RNLS: variants seen among roughly 807,000 people sequenced by gnomAD.
The protein encoded by RNLS is renalase.
RNLS carries 39 observed loss-of-function variants against 39.8 expected under a neutral mutation model. The ratio of observed to expected loss-of-function variants is 0.98; its 90% CI spans 0.76 to 1.28. The LOEUF is 1.28. RNLS is among the 50% of genes most tolerant of loss of function. The pLI, the probability that RNLS is intolerant of heterozygous loss-of-function variation, is 0.00. For synonymous variants in RNLS, 147 were observed against 150.7 expected (o/e 0.98, Z 0.18); for missense variants, 410 against 413.3 (o/e 0.99, Z 0.07).
chr10:88,491,188 T>TCA (rs1488380273), intron 4 of RNLS, among the ~76,000 whole-genome samples: 6 of 152,172 alleles, frequency 3.9e-5, no homozygotes, highest in African/African-American at 1.2e-4. Flanking sequence ...ATTTAGCACC[T>TCA]CACACTCTAG....
chr10:88,391,852 T>G (rs1250465076), intron 4 of RNLS, among the ~76,000 whole-genome samples: 25 of 152,248 alleles, frequency 1.6e-4, no homozygotes, highest in Admixed American at 1.6e-3. Flanking sequence ...TTTTGTCTTT[T>G]ACTCTGCTCT....
intron 5 of RNLS, among the ~76,000 whole-genome samples, chr10:88,348,400 T>C (rs1848455707): frequency 6.6e-6 from 1 of 152,168 alleles, no homozygotes; most frequent in African/African-American, 2.4e-5. Flanking sequence ...TGAAGGTCTT[T>C]TATAAATCTC....
the RNLS span, among the ~76,000 whole-genome samples, chr10:88,214,498 C>CAAAAAAAAAA: frequency 7.4e-6 from 1 of 135,128 alleles, no homozygotes; most frequent in Non-Finnish European, 1.6e-5. Context: ...GACTCCGTCT[C>CAAAAAAAAAA]AAAAAAAAAA....
At chr10:88,532,338 G>A (rs1013174497) in intron 4 of RNLS, among the ~76,000 whole-genome samples, 4 of 151,870 alleles carry the variant, frequency 2.6e-5, no homozygotes, top group African/African-American at 9.7e-5. Flanking sequence ...TACTCCAATG[G>A]TTATATCTAA....
At chr10:88,226,651 T>A in the RNLS span, among the ~76,000 whole-genome samples, 1 of 151,946 alleles carries the variant, frequency 6.6e-6, no homozygotes, top group African/African-American at 2.4e-5. Context: ...AAGAAGAGGC[T>A]GTGTTTGCAG....
At chr10:88,571,022 C>T (rs1849798639) in intron 4 of RNLS, among the ~76,000 whole-genome samples, 1 of 137,906 alleles carries the variant, frequency 7.3e-6, no homozygotes, top group African/African-American at 2.6e-5. Context: ...CTTGCTCTGT[C>T]ACCCAGGCTA....
the RNLS span, among the ~76,000 whole-genome samples, chr10:88,215,757 T>C: frequency 4.1e-5 from 6 of 145,210 alleles, 1 homozygote; most frequent in African/African-American, 1.5e-4. Context: ...TGGAGTGCAA[T>C]GGCGTGATCT....
At chr10:88,561,327 T>C (rs1011523233) in intron 4 of RNLS, among the ~76,000 whole-genome samples, 1 of 152,056 alleles carries the variant, frequency 6.6e-6, no homozygotes. Context: ...TTGATTATAA[T>C]GAAAACAATG....
At chr10:88,342,830 G>C (rs1848049393) in intron 5 of RNLS, among the ~76,000 whole-genome samples, 1 of 152,122 alleles carries the variant, frequency 6.6e-6, no homozygotes, top group Admixed American at 6.5e-5. Flanking sequence ...GCTAAGGAGT[G>C]AGGAGATAGT....
chr10:88,534,674 T>C (rs1326593036), intron 4 of RNLS, among the ~76,000 whole-genome samples: 1 of 152,144 alleles, frequency 6.6e-6, no homozygotes, highest in Non-Finnish European at 1.5e-5. Flanking sequence ...AACAGTATAG[T>C]TCCTGGACTC....
the RNLS span, among the ~76,000 whole-genome samples, chr10:88,188,466 A>G: frequency 6.6e-6 from 1 of 152,236 alleles, no homozygotes; most frequent in African/African-American, 2.4e-5. Flanking sequence ...GTTCTTTAAA[A>G]TCAGGCTTTA....
chr10:88,350,194 T>C (rs1848583830), intron 5 of RNLS, among the ~76,000 whole-genome samples: 1 of 152,028 alleles, frequency 6.6e-6, no homozygotes, highest in Non-Finnish European at 1.5e-5. Context: ...CAAGTTCAAA[T>C]GGTTCCATGT....
intron 4 of RNLS, among the ~76,000 whole-genome samples, chr10:88,448,477 G>A (rs1443093979): frequency 5.3e-5 from 8 of 152,004 alleles, no homozygotes; most frequent in South Asian, 4.2e-4. Context: ...TTAGAATGGC[G>A]ATCATTAAAA....
chr10:88,309,358 C>T, intron 6 of RNLS: 1 of 1,223,056 alleles, frequency 8.2e-7, no homozygotes, highest in Non-Finnish European at 1.1e-6. Context: ...CCTGACTTTT[C>T]AATGCTGAAA....
At chr10:88,459,282 A>T (rs955853321) in intron 4 of RNLS, among the ~76,000 whole-genome samples, 1 of 152,074 alleles carries the variant, frequency 6.6e-6, no homozygotes, top group African/African-American at 2.4e-5. Flanking sequence ...TCTCGACTTT[A>T]CAAGAGGCAT....
At chr10:88,195,237 T>C in the RNLS span, among the ~76,000 whole-genome samples, 2 of 152,244 alleles carry the variant, frequency 1.3e-5, no homozygotes, top group African/African-American at 2.4e-5. Context: ...AAGAATAGGA[T>C]AAAATGCATT....
chr10:88,250,777 G>T, the RNLS span, among the ~76,000 whole-genome samples: 2 of 152,186 alleles, frequency 1.3e-5, no homozygotes, highest in African/African-American at 4.8e-5. Context: ...GCCTGGCAAG[G>T]ATCCACAGAT....
At chr10:88,310,236 A>G (rs1274490924) in intron 6 of RNLS, among the ~76,000 whole-genome samples, 1 of 151,988 alleles carries the variant, frequency 6.6e-6, no homozygotes, top group Non-Finnish European at 1.5e-5. Flanking sequence ...GTAAATAAAT[A>G]CTTTTTGATT....
intron 4 of RNLS, among the ~76,000 whole-genome samples, chr10:88,447,327 A>C (rs975465754): frequency 6.6e-6 from 1 of 152,032 alleles, no homozygotes; most frequent in Admixed American, 6.6e-5. Context: ...TCAGGATACA[A>C]AATTAATGTG....
Sources: allele counts gnomAD v4.1 joint callset (sites outside exome capture counted in the v4.1 genomes callset), GRCh38; gene constraint gnomAD v4.1.1; transcripts MANE v1.5; gene names NCBI Gene and HGNC (gene_info 2026-07-23, HGNC 2026-07-21).